EMC4: variants seen among roughly 807,000 people sequenced by gnomAD.
The protein encoded by EMC4 is ER membrane protein complex subunit 4, also known as cell proliferation-inducing gene 17 protein.
Under a neutral mutation model 24.2 loss-of-function variants are expected in EMC4, and 9 were observed. That is an observed-to-expected ratio of 0.37 (90% CI 0.22 to 0.65). The LOEUF (loss-of-function observed/expected upper bound fraction) is 0.65. Among genes scored for constraint, EMC4 ranks in the 30% least tolerant of loss-of-function variants. EMC4 has a pLI of 0.59. For synonymous variants in EMC4, 86 were observed against 81.1 expected (o/e 1.06, Z -0.32); for missense variants, 169 against 234.6 (o/e 0.72, Z 1.83).
Position 34,225,075 on chromosome 15 carries a change from G to C in EMC4, c.-40G>C. The C allele has an allele frequency of 1.3e-6, 2 of 1,507,900 alleles. No homozygotes were observed. The highest frequency in any genetic ancestry group is 1.8e-6 in the Non-Finnish European group (2 of 1,107,086). The allele number at this position is 1,507,900 out of a possible 1,614,324, so 93.4% of individuals were successfully genotyped here. A position where few individuals can be genotyped will look rare whatever the true frequency, so the allele number is the denominator to read the frequency against. ...GTGGGCCTGTTGTGGAGTACGCTTT[G>C]GACTGAGAAGCATCGAGGCTATAGG... is the stretch of plus-strand genomic sequence containing the variant. On this transcript the variant is annotated 5_prime_UTR_variant, in exon 1 of 5. Transcript: ENST00000267750.
At chr15:34,227,521 G>A (rs560697626) in intron 2 of EMC4, 172 bp from the exon 3 acceptor site, 2 of 592,564 alleles carry the variant, frequency 3.4e-6, no homozygotes, top group East Asian at 2.8e-5. Context: ...TCTTGAGTAG[G>A]AGAGCCTTCC....
rs1354110191 is a variant in EMC4 at position 34,229,564 on chromosome 15, C to G, written c.517-189C>G. The G allele has an allele frequency of 1.7e-5, 9 of 545,456 alleles. No homozygotes were observed. In the East Asian group the frequency reaches 2.6e-4, roughly 16 times the overall value. The allele number at this position is 545,456 out of a possible 1,614,324, so 33.8% of individuals were successfully genotyped here. ...CCCAGGCTGGTCTTGAACTCCTGGGCTCAAGCGATCTGCCTGCCTTGGCCT... is the reference window on the plus strand; with the variant it reads ...CCCAGGCTGGTCTTGAACTCCTGGGGTCAAGCGATCTGCCTGCCTTGGCCT... On this transcript the variant is annotated intron_variant, in intron 4 of 4. Transcript: ENST00000267750.
chr15:34,225,905 T>G (rs945921860), intron 2 of EMC4: 4 of 480,922 alleles, frequency 8.3e-6, no homozygotes, highest in Non-Finnish European at 4.0e-6. Context: ...ATCTTCCAGT[T>G]GAAGTGATCC....
chr15:34,225,859 A>G (rs574006087), intron 2 of EMC4: 17 of 616,028 alleles, frequency 2.8e-5, no homozygotes, highest in South Asian at 2.6e-4. Context: ...CATAAGGTAT[A>G]AGAAAGTAGG....
Position 34,225,027 on chromosome 15 carries a change from G to A in EMC4, c.-88G>A. On this transcript the variant is annotated 5_prime_UTR_variant, in exon 1 of 5. It adds an upstream start codon to the 5' untranslated region. Transcript: ENST00000267750. ...CACGCGCCGGAAGTGCATTTGCAGA[G>A]TGAGACAAAGCGGAGAACGCTGGTG... The A allele has an allele frequency of 8.9e-7, 1 of 1,124,044 alleles. No homozygotes were observed. Among genetic ancestry groups the A allele is most frequent in the Non-Finnish European group, 1.3e-6 (1 of 758,530 alleles). 69.6% of individuals were successfully genotyped at this position (1,124,044 alleles called of 1,614,324 possible).
At chr15:34,229,549 T>C in intron 4 of EMC4, 1 of 527,216 alleles carries the variant, frequency 1.9e-6, no homozygotes, top group Non-Finnish European at 3.3e-6. Flanking sequence ...CCCAGGCTGG[T>C]CTTGAACTCC....
Position 34,229,896 on chromosome 15 carries a change from A to G in EMC4, c.*108A>G. On this transcript the variant is annotated 3_prime_UTR_variant, in exon 5 of 5. Coordinates refer to ENST00000267750, the MANE Select transcript of EMC4 (RefSeq NM_016454.4). ...CTTAAACTAATCACTTATGTTAAAA[A>G]GAACCAAAAGACTCTTTTCTCCATG... 1 of 1,039,296 alleles carries G rather than the reference A, an allele frequency of 9.6e-7. No individual in the cohort carries two copies. The highest frequency in any genetic ancestry group is 1.5e-6 in the Non-Finnish European group (1 of 667,788). 64.4% of individuals were successfully genotyped at this position (1,039,296 alleles called of 1,614,324 possible). A position where few individuals can be genotyped will look rare whatever the true frequency, so the allele number is the denominator to read the frequency against.
At chr15:34,225,299 G>T in intron 1 of EMC4, 99 bp downstream of exon 1, 1 of 1,103,172 alleles carries the variant, frequency 9.1e-7, no homozygotes, top group South Asian at 1.6e-5. Context: ...AAAGATGGGT[G>T]GCACACAGAC....
chr15:34,227,629 T>G, intron 2 of EMC4, 64 bp from the exon 3 acceptor site: 3 of 1,541,372 alleles, frequency 1.9e-6, no homozygotes, highest in Non-Finnish European at 1.8e-6. Flanking sequence ...TTAGCATCAG[T>G]GATATGGCAA....
At chr15:34,227,173 G>A (rs552949948) in intron 2 of EMC4, 1 of 152,388 alleles carries the variant, frequency 6.6e-6, no homozygotes, top group South Asian at 2.1e-4. Flanking sequence ...TGAATATCTT[G>A]TTTGAAAAGA....
chr15:34,227,309 C>T (rs73388003), intron 2 of EMC4: 26,848 of 156,456 alleles, frequency 0.17, 2,372 homozygotes, highest in Middle Eastern at 0.29. Context: ...TAAATTAGTT[C>T]GATGGTTCTA....
rs1180401469 is a variant in EMC4, at chr15:34,228,606, G to A, written c.516+17G>A. ...CCCCCTGAGGTAAGGCAAAAGAAAA[G>A]CTGAATTTTGGGTAGTTGTAGTATA... is the stretch of plus-strand genomic sequence containing the variant. On this transcript the variant is annotated intron_variant, in intron 4 of 4. Coordinates refer to ENST00000267750, the MANE Select transcript of EMC4 (RefSeq NM_016454.4). 6.3e-7 allele frequency: 1 copy of A among 1,598,914 alleles called. No individual in the cohort carries two copies.
Position 34,228,425 on chromosome 15 carries a change from A to G in EMC4, c.356-4A>G, listed in dbSNP as rs1265605490. ...TGGTTTGACAACTTCTGTTACCGCA[A>G]CAGCTTTCAAGATGTTAGAAAGTTC... is the stretch of plus-strand genomic sequence containing the variant. On this transcript the variant is annotated splice_region_variant and splice_polypyrimidine_tract_variant and intron_variant, in intron 3 of 4. Coordinates refer to ENST00000267750, the MANE Select transcript of EMC4 (RefSeq NM_016454.4). 6.2e-7 allele frequency: 1 copy of G among 1,612,438 alleles called. No individual in the cohort carries two copies. The highest frequency in any genetic ancestry group is 2.2e-5 in the East Asian group (1 of 44,830).
At position 34,227,441 on chromosome 15, in the gene EMC4, A is replaced by C. The variant is rs1478603206; in HGVS notation, c.202-252A>C. ...CAAAAGCAGGGAGATCTTTTTTCCA[A>C]AATCAGGAGAAAAAAATGACATCTG... On this transcript the variant is annotated intron_variant, in intron 2 of 4. Transcript: ENST00000267750. 8 of 347,912 alleles carry C rather than the reference A, an allele frequency of 2.3e-5. No individual in the cohort carries two copies. In the East Asian group the frequency reaches 3.8e-4, roughly 17 times the overall value. 21.6% of individuals were successfully genotyped at this position (347,912 alleles called of 1,614,324 possible).
chr15:34,228,283 T>C (rs535813374), intron 3 of EMC4, 146 bp from the exon 4 acceptor site: 9 of 765,668 alleles, frequency 1.2e-5, no homozygotes, highest in South Asian at 8.9e-5. Flanking sequence ...GGGAGTGTAG[T>C]GCTTACCATG....
Position 34,228,686 on chromosome 15 carries a change from CTTTTTTTTTTT to C in EMC4, c.516+110_516+120del, listed in dbSNP as rs71119951. ...GAAATTGGAGTTGGTATTTGAGTTT[CTTTTTTTTTTT>C]TTTTTTTTTTTTGAGACGGAGTATT... On this transcript the variant is annotated intron_variant, in intron 4 of 4. Transcript: ENST00000267750. 21 of 300,986 alleles carry C rather than the reference CTTTTTTTTTTT, an allele frequency of 7.0e-5. No individual in the cohort carries two copies. In the Admixed American group the frequency reaches 1.0e-3, roughly 15 times the overall value. 18.6% of individuals were successfully genotyped at this position (300,986 alleles called of 1,614,324 possible). A position where few individuals can be genotyped will look rare whatever the true frequency, so the allele number is the denominator to read the frequency against.
In EMC4 at chr15:34,225,083, A is replaced by G. The variant is rs1316610784; in HGVS notation, c.-32A>G. 2 of 1,532,306 alleles carry G rather than the reference A, an allele frequency of 1.3e-6. No individual in the cohort carries two copies. Among genetic ancestry groups the G allele is most frequent in the Non-Finnish European group, 1.8e-6 (2 of 1,129,438 alleles). 94.9% of individuals were successfully genotyped at this position (1,532,306 alleles called of 1,614,324 possible). ...GTTGTGGAGTACGCTTTGGACTGAG[A>G]AGCATCGAGGCTATAGGACGCAGCT... On this transcript the variant is annotated 5_prime_UTR_variant, in exon 1 of 5. Coordinates refer to ENST00000267750, the MANE Select transcript of EMC4 (RefSeq NM_016454.4).
At position 34,227,859 on chromosome 15, in the gene EMC4, G is replaced by C. The variant is rs976953889; in HGVS notation, c.355+13G>C. ...GCCATTTCAGCCAGTAAGTATTCTT[G>C]AAACAATAACCCTTCCATAAGTTTG... On this transcript the variant is annotated intron_variant, in intron 3 of 4. Transcript: ENST00000267750. 1.9e-6 allele frequency: 3 copies of C among 1,611,730 alleles called. No individual in the cohort carries two copies. In the African/African-American group the frequency reaches 4.0e-5, roughly 22 times the overall value.
chr15:34,225,754 A>C (rs190011249), intron 2 of EMC4, 104 bp downstream of exon 2: 1 of 906,754 alleles, frequency 1.1e-6, no homozygotes, highest in East Asian at 2.5e-5. Flanking sequence ...TATCCTGAAG[A>C]TTTGGAAACT....
Sources: gnomAD v4.1 joint callset for allele counts on GRCh38, gnomAD v4.1.1 for gene constraint, MANE v1.5 for transcripts, NCBI Gene and HGNC (gene_info 2026-07-23, HGNC 2026-07-21) for gene names.